The following TRAPPC2 variants were observed in gnomAD, a reference collection of about 807,000 sequenced individuals.
The protein encoded by TRAPPC2 is sedlin.
In TRAPPC2, 4 loss-of-function variants were observed where a neutral mutation model predicts 10.0. That is an observed-to-expected ratio of 0.40 (90% CI 0.20 to 0.92). The LOEUF is 0.92. Among genes scored for constraint, TRAPPC2 ranks in the 40% least tolerant of loss-of-function variants. The probability of loss-of-function intolerance (pLI) is 0.35; values close to 1 mark genes in which losing one functional copy is unlikely to be tolerated. For missense variants in TRAPPC2, 52 were observed against 108.7 expected, an observed-to-expected ratio of 0.48 and a Z score of 2.32; for synonymous variants, 36 against 37.3, an observed-to-expected ratio of 0.97 and a Z score of 0.12.
intron 2 of TRAPPC2, 56 bp from the exon 3 acceptor site, chrX:13,720,038 T>C: frequency 1.2e-6 from 1 of 819,938 alleles, no homozygotes; most frequent in Non-Finnish European, 1.7e-6. Flanking sequence ...AATTAAAAAA[T>C]GACTAATGGG....
chrX:13,723,263 G>A (rs1479491665), intron 2 of TRAPPC2, among the ~76,000 whole-genome samples: 1 of 111,320 alleles, frequency 9.0e-6, no homozygotes, highest in Non-Finnish European at 1.9e-5. Flanking sequence ...CGCCTCCCAG[G>A]TTCAGGAGAT....
rs2046256677 is a variant in TRAPPC2 at position 13,714,312 on chromosome X, A to G, written c.*95T>C. ...TTTAGATAAGCTGAGAATACACAAA[A>G]GTTTTCCAGGCTATTTAATCAAGTA... On this transcript the variant is annotated 3_prime_UTR_variant, in exon 6 of 6. Coordinates refer to ENST00000380579, the MANE Select transcript of TRAPPC2 (RefSeq NM_001011658.4). The G allele has an allele frequency of 1.6e-5, 8 of 496,296 alleles. No individual in the cohort carries two copies. The highest frequency in any genetic ancestry group is 1.4e-4 in the African/African-American group (6 of 41,709). 40.9% of individuals were successfully genotyped at this position (496,296 alleles called of 1,213,427 possible).
At chrX:13,718,260 C>T (rs1250773143) in intron 3 of TRAPPC2, among the ~76,000 whole-genome samples, 4 of 113,187 alleles carry the variant, frequency 3.5e-5, no homozygotes, top group African/African-American at 9.6e-5. Flanking sequence ...GGCCCGTTGC[C>T]GTGGAATCCC....
At chrX:13,716,417 A>T in intron 4 of TRAPPC2, 117 bp downstream of exon 4, 2 of 934,218 alleles carry the variant, frequency 2.1e-6, no homozygotes, top group Non-Finnish European at 3.0e-6. Flanking sequence ...ATGGAAACTT[A>T]CATTTTCACC....
intron 5 of TRAPPC2, among the ~76,000 whole-genome samples, chrX:13,714,827 C>T (rs1304225374): frequency 8.9e-6 from 1 of 111,792 alleles, no homozygotes; most frequent in African/African-American, 3.3e-5. Context: ...ATCTCTATGG[C>T]CCTTTGGCTA....
Position 13,718,237 on chromosome X carries a change from G to A in TRAPPC2, c.94-1559C>T, listed in dbSNP as rs546329317. Among the ~76,000 whole-genome samples the A allele has an allele frequency of 2.6e-5, 3 of 113,366 alleles. 1 individual carries two copies. The East Asian group carries it at 8.3e-4, about 32-fold the overall frequency. On this transcript the variant is annotated intron_variant, in intron 3 of 5. Transcript: ENST00000380579. ...CCAAGGAGGCTGTTCTCATGCCTGG[G>A]CTGGAGGAGGGCGGCCCGTTGCCGT... is the stretch of plus-strand genomic sequence containing the variant.
At chrX:13,730,709 C>T (rs1289843472) in intron 2 of TRAPPC2, among the ~76,000 whole-genome samples, 1 of 111,229 alleles carries the variant, frequency 9.0e-6, no homozygotes, top group Non-Finnish European at 1.9e-5. Context: ...AAATGTGGCA[C>T]ATATACACCA....
chrX:13,715,751 C>T (rs2046273504), intron 5 of TRAPPC2: 2 of 881,930 alleles, frequency 2.3e-6, no homozygotes, highest in Non-Finnish European at 2.8e-6. Context: ...ATGAGGACAA[C>T]AAGGTGAAGA....
chrX:13,730,866 ATG>A (rs766150333), intron 2 of TRAPPC2, among the ~76,000 whole-genome samples: 3 of 97,557 alleles, frequency 3.1e-5, no homozygotes, highest in Non-Finnish European at 6.1e-5. Flanking sequence ...GAATTGAACA[ATG>A]AGATCACTTG....
At chrX:13,722,644 A>C (rs756522812) in intron 2 of TRAPPC2, among the ~76,000 whole-genome samples, 1 of 111,869 alleles carries the variant, frequency 8.9e-6, no homozygotes, top group Admixed American at 9.5e-5. Flanking sequence ...CAAATACTTG[A>C]GGGTATGGAG....
At chrX:13,732,664 C>T (rs1196835971) in intron 2 of TRAPPC2, among the ~76,000 whole-genome samples, 1 of 112,803 alleles carries the variant, frequency 8.9e-6, no homozygotes, top group Non-Finnish European at 1.9e-5. Context: ...CCCAGGGCTG[C>T]TCATTTGAAG....
At chrX:13,728,154 C>T (rs1259577567) in intron 2 of TRAPPC2, among the ~76,000 whole-genome samples, 1 of 111,741 alleles carries the variant, frequency 8.9e-6, no homozygotes, top group Non-Finnish European at 1.9e-5. Flanking sequence ...GATTCACATC[C>T]GAATTCTACC....
chrX:13,718,892 A>AG (rs2046351113), intron 3 of TRAPPC2, among the ~76,000 whole-genome samples: 1 of 111,668 alleles, frequency 9.0e-6, no homozygotes, highest in Non-Finnish European at 1.9e-5. Context: ...GTAGTGGCTC[A>AG]TGTCTGCAAT....
In TRAPPC2 at chrX:13,722,709, C is replaced by T. The variant is rs187239720; in HGVS notation, c.-19-2727G>A. On this transcript the variant is annotated intron_variant, in intron 2 of 5. Transcript: ENST00000380579. Reference sequence around the variant, plus strand: ...GCTGTCCAATCTATGGAACTTTCTGCGAGGACAGAAATGTTCTACACCTGT... The same window carrying T: ...GCTGTCCAATCTATGGAACTTTCTGTGAGGACAGAAATGTTCTACACCTGT... Among the ~76,000 whole-genome samples, 27 of 111,808 alleles carry T rather than the reference C, an allele frequency of 2.4e-4. 1 individual carries two copies. The East Asian group carries it at 6.4e-3, about 27-fold the overall frequency.
chrX:13,720,043 A>T, intron 2 of TRAPPC2, 61 bp from the exon 3 acceptor site: 1 of 790,299 alleles, frequency 1.3e-6, no homozygotes. Context: ...AAAAATGACT[A>T]ATGGGAAGTG....
chrX:13,721,752 G>A (rs1179020054), intron 2 of TRAPPC2: 2 of 98,825 alleles, frequency 2.0e-5, no homozygotes, highest in Non-Finnish European at 4.0e-5. Context: ...GCATGATGAC[G>A]TAAGATTTAA....
intron 2 of TRAPPC2, among the ~76,000 whole-genome samples, chrX:13,729,651 G>A (rs918705562): frequency 8.9e-6 from 1 of 112,097 alleles, no homozygotes; most frequent in Non-Finnish European, 1.9e-5. Context: ...GCTCAAGCCT[G>A]TAATCCCGGC....
chrX:13,733,881 T>C lies in TRAPPC2; in HGVS notation c.-20+163A>G, dbSNP rs1327614735. Among the ~76,000 whole-genome samples the C allele has an allele frequency of 2.7e-5, 3 of 111,763 alleles. No homozygotes were observed. In the Admixed American group the frequency reaches 2.8e-4, roughly 11 times the overall value. On this transcript the variant is annotated intron_variant, in intron 2 of 5. Coordinates refer to ENST00000380579, the MANE Select transcript of TRAPPC2 (RefSeq NM_001011658.4). Reference sequence around the variant, plus strand: ...ACTTTTTCCACAGAGATGATCTGGATCACTTCCATCTTCAACCACCTCCCC... The same window carrying C: ...ACTTTTTCCACAGAGATGATCTGGACCACTTCCATCTTCAACCACCTCCCC...
chrX:13,731,569 T>C (rs1407516025), intron 2 of TRAPPC2, among the ~76,000 whole-genome samples: 2 of 111,908 alleles, frequency 1.8e-5, no homozygotes, highest in African/African-American at 3.3e-5. Flanking sequence ...GAAAATACAG[T>C]CTTGCTAGAA....
Sources: gnomAD v4.1 joint callset for allele counts (sites outside exome capture counted in the v4.1 genomes callset) on GRCh38, gnomAD v4.1.1 for gene constraint, MANE v1.5 for transcripts, NCBI Gene and HGNC (gene_info 2026-07-23, HGNC 2026-07-21) for gene names.